The following ASTN2 variants were observed in gnomAD, a reference collection of about 807,000 sequenced individuals.
ASTN2 encodes the protein astrotactin-2.
In ASTN2, 54 loss-of-function variants were observed where a neutral mutation model predicts 139.8. The observed-to-expected ratio is 0.39, with a 90% confidence interval of 0.31 to 0.48. The LOEUF is 0.48. ASTN2 is among the 20% of genes least tolerant of loss of function. The probability of loss-of-function intolerance (pLI) is 0.95; values close to 1 mark genes in which losing one functional copy is unlikely to be tolerated. For missense variants in ASTN2, 1,565 were observed against 1,725.1 expected (o/e 0.91, Z 1.64); for synonymous variants, 756 against 719.5 (o/e 1.05, Z -0.81).
At chr9:116,896,589 G>A (rs1833884260) in intron 10 of ASTN2, among the ~76,000 whole-genome samples, 1 of 152,154 alleles carries the variant, frequency 6.6e-6, no homozygotes, top group Admixed American at 6.5e-5. Context: ...AAAGTGCTGG[G>A]ATTACAGGCA....
intron 17 of ASTN2, among the ~76,000 whole-genome samples, chr9:116,649,935 C>A (rs920358363): frequency 1.3e-5 from 2 of 152,182 alleles, no homozygotes; most frequent in African/African-American, 4.8e-5. Flanking sequence ...TGAGGCATTT[C>A]TTTTGGTCTT....
rs1588491725 is a variant in ASTN2, at chr9:117,026,011, C to T, written c.1423+13808G>A. Among the ~76,000 whole-genome samples the T allele has an allele frequency of 3.3e-5, 5 of 152,084 alleles. No homozygotes were observed. In the South Asian group the frequency reaches 1.0e-3, roughly 32 times the overall value. On this transcript the variant is annotated intron_variant, in intron 6 of 22. Coordinates refer to ENST00000313400, the MANE Select transcript of ASTN2 (RefSeq NM_001365068.1). Reference sequence around the variant, plus strand: ...AACTCCTGACCTCAAGTATTCTGCCCACCTCAGCCTCCCAAAGTGTTGGGA... The same window carrying T: ...AACTCCTGACCTCAAGTATTCTGCCTACCTCAGCCTCCCAAAGTGTTGGGA...
chr9:117,405,423 A>T (rs1360748239), intron 1 of ASTN2, among the ~76,000 whole-genome samples: 2 of 152,226 alleles, frequency 1.3e-5, no homozygotes, highest in Non-Finnish European at 2.9e-5. Context: ...GAAAGAATAG[A>T]TAACAAATGT....
intron 11 of ASTN2, among the ~76,000 whole-genome samples, chr9:116,838,004 T>G (rs1449096474): frequency 6.6e-6 from 1 of 152,120 alleles, no homozygotes; most frequent in Non-Finnish European, 1.5e-5. Flanking sequence ...GATGAAATTA[T>G]CCTCAAAGTA....
chr9:116,708,081 C>A (rs71505581), intron 16 of ASTN2, among the ~76,000 whole-genome samples: 7 of 152,100 alleles, frequency 4.6e-5, no homozygotes, highest in Admixed American at 6.5e-5. Context: ...GGACCTTCCC[C>A]TCCTCCGTTA....
chr9:117,026,177 C>T (rs1402141001), intron 6 of ASTN2, among the ~76,000 whole-genome samples: 2 of 151,962 alleles, frequency 1.3e-5, no homozygotes, highest in African/African-American at 4.8e-5. Flanking sequence ...CATCGGGATG[C>T]TGGTGCTTCA....
chr9:116,432,437 G>C (rs916421201), intron 22 of ASTN2, among the ~76,000 whole-genome samples: 1 of 152,178 alleles, frequency 6.6e-6, no homozygotes, highest in African/African-American at 2.4e-5. Flanking sequence ...CCAACACTTA[G>C]TGTTTAGACC....
intron 16 of ASTN2, among the ~76,000 whole-genome samples, chr9:116,712,044 T>C (rs564825346): frequency 8.9e-4 from 136 of 152,344 alleles, no homozygotes; most frequent in Non-Finnish European, 1.7e-3. Context: ...TACAACTTTC[T>C]TAACATGGTC....
At chr9:117,362,254 G>A (rs554730055) in intron 1 of ASTN2, among the ~76,000 whole-genome samples, 7 of 152,266 alleles carry the variant, frequency 4.6e-5, no homozygotes, top group East Asian at 1.9e-4. Context: ...GATTACGAGC[G>A]TGAGCCACTG....
chr9:116,504,822 G>A (rs1850036126), intron 19 of ASTN2, among the ~76,000 whole-genome samples: 1 of 145,516 alleles, frequency 6.9e-6, no homozygotes, highest in African/African-American at 2.6e-5. Context: ...CTTGAGCCTG[G>A]GAAGTCAAGG....
intron 19 of ASTN2, among the ~76,000 whole-genome samples, chr9:116,594,323 CA>C (rs547236430): frequency 8.2e-4 from 125 of 152,244 alleles, no homozygotes; most frequent in African/African-American, 2.9e-3. Context: ...GTTATCAAAA[CA>C]AAAACAGAAT....
At chr9:116,472,389 G>T (rs925667761) in intron 20 of ASTN2, among the ~76,000 whole-genome samples, 5 of 152,160 alleles carry the variant, frequency 3.3e-5, no homozygotes, top group Non-Finnish European at 1.5e-5. Context: ...CACACTAGCT[G>T]TTAGAGATCA....
chr9:116,824,919 A>G (rs1215646601), intron 11 of ASTN2, among the ~76,000 whole-genome samples: 1 of 152,222 alleles, frequency 6.6e-6, no homozygotes, highest in Non-Finnish European at 1.5e-5. Flanking sequence ...GGGAAAATAA[A>G]AACTCTGCAA....
rs576897372 is a variant in ASTN2, at chr9:116,875,123, T to C, written c.1890-11390A>G. Among the ~76,000 whole-genome samples, 211 of 152,182 alleles carry C rather than the reference T, an allele frequency of 1.4e-3. 3 individuals carry two copies. The South Asian group carries it at 0.038, about 28-fold the overall frequency. On this transcript the variant is annotated intron_variant, in intron 10 of 22. Transcript: ENST00000313400. ...AAATCATAAGCTAGAAATGATTAAG[T>C]TTAGTGAGGAAGGTATGTGGAAAGC...
chr9:117,004,983 C>G (rs114895109), intron 7 of ASTN2, among the ~76,000 whole-genome samples: 115 of 151,118 alleles, frequency 7.6e-4, no homozygotes, highest in African/African-American at 2.8e-3. Flanking sequence ...AAGATAGTGT[C>G]TCATGGGTTT....
intron 19 of ASTN2, among the ~76,000 whole-genome samples, chr9:116,544,077 C>T (rs542198254): frequency 2.0e-5 from 3 of 152,276 alleles, no homozygotes; most frequent in Admixed American, 1.3e-4. Context: ...ACTTGGGAAT[C>T]GACTGCCAAA....
chr9:116,435,032 A>T (rs1192701642), intron 22 of ASTN2, among the ~76,000 whole-genome samples: 1 of 151,832 alleles, frequency 6.6e-6, no homozygotes, highest in African/African-American at 2.4e-5. Context: ...CCTGGAAAAA[A>T]CTCTTATCCC....
intron 19 of ASTN2, among the ~76,000 whole-genome samples, chr9:116,556,042 G>A (rs1199824952): frequency 6.6e-6 from 1 of 152,154 alleles, no homozygotes; most frequent in Non-Finnish European, 1.5e-5. Context: ...CACTTACCAT[G>A]TACATGGCTC....
chr9:116,483,587 G>C (rs1849242425), intron 20 of ASTN2, among the ~76,000 whole-genome samples: 1 of 152,120 alleles, frequency 6.6e-6, no homozygotes, highest in Non-Finnish European at 1.5e-5. Context: ...GGAATGGTAG[G>C]GAGAATGACA....
Sources: gnomAD v4.1 joint callset for allele counts (sites outside exome capture counted in the v4.1 genomes callset) on GRCh38, gnomAD v4.1.1 for gene constraint, MANE v1.5 for transcripts, NCBI Gene and HGNC (gene_info 2026-07-23, HGNC 2026-07-21) for gene names.